The following INSYN2A variants were observed in gnomAD, a reference collection of about 807,000 sequenced individuals.
INSYN2A encodes the protein inhibitory synaptic factor 2A, also known as family with sequence similarity 196 member A.
INSYN2A carries 17 observed loss-of-function variants against 39.4 expected under a neutral mutation model. The ratio of observed to expected loss-of-function variants is 0.43; its 90% CI spans 0.30 to 0.65. The LOEUF is 0.65. INSYN2A is among the 30% of genes least tolerant of loss of function. The probability of loss-of-function intolerance (pLI) is 0.14; values close to 1 mark genes in which losing one functional copy is unlikely to be tolerated. For missense variants in INSYN2A, 595 were observed against 631.2 expected, an observed-to-expected ratio of 0.94 and a Z score of 0.61; for synonymous variants, 255 against 265.7, an observed-to-expected ratio of 0.96 and a Z score of 0.39.
chr10:127,175,785 T>C lies in INSYN2A; in HGVS notation c.611A>G (p.Tyr204Cys), dbSNP rs901091271. The change falls in exon 4 of 6, where the codon TAT becomes TGT. Residue 204 changes from tyrosine (Y) to cysteine (C), a missense_variant. Coordinates refer to ENST00000522781, the MANE Select transcript of INSYN2A (RefSeq NM_001039762.3). The surrounding 1 kb of genome is among the most constrained non-coding windows in gnomAD (Gnocchi z 6.3). ...GGAGTTTTGGAGCGCAGCTTCTCCA[T>C]AGCTGAGCGGCTCCGGGCTTTTACA... is the stretch of plus-strand genomic sequence containing the variant. ...EPCKSPEPLS[Y>C]GEAALQNSTR... is the part of the protein sequence containing the mutation. 6.2e-6 allele frequency: 10 copies of C among 1,614,024 alleles called. No individual in the cohort carries two copies. The highest frequency in any genetic ancestry group is 1.3e-5 in the African/African-American group (1 of 74,930).
chr10:127,138,172 C>G (rs2050868326), intron 5 of INSYN2A, 152 bp from the exon 6 acceptor site: 1 of 676,266 alleles, frequency 1.5e-6, no homozygotes, highest in Admixed American at 3.3e-5. Flanking sequence ...TGTTTTAGCT[C>G]TGTGCTCCCG....
chr10:127,177,063 C>T lies in INSYN2A; in HGVS notation c.-192G>A, dbSNP rs557231670. 6.6e-6 allele frequency: 1 copy of T among 151,956 alleles called. No individual in the cohort carries two copies. Among genetic ancestry groups the T allele is most frequent in the Non-Finnish European group, 1.5e-5 (1 of 67,988 alleles). The allele number at this position is 151,956 out of a possible 1,614,324, so 9.4% of individuals were successfully genotyped here. On this transcript the variant is annotated 5_prime_UTR_variant, in exon 3 of 6. Coordinates refer to ENST00000522781, the MANE Select transcript of INSYN2A (RefSeq NM_001039762.3). ...GGGTTAACATCAGCTCTAAAAGGAA[C>T]GTGGGTTTCCCTGCATCTACAAAGG...
intron 2 of INSYN2A, among the ~76,000 whole-genome samples, chr10:127,187,402 AGAT>A (rs2056371689): frequency 6.6e-6 from 1 of 152,248 alleles, no homozygotes; most frequent in African/African-American, 2.4e-5. Flanking sequence ...CATGCTAAAA[AGAT>A]CTTGAAAAAG....
chr10:127,158,315 C>T (rs1032172063), intron 4 of INSYN2A, among the ~76,000 whole-genome samples: 6 of 152,184 alleles, frequency 3.9e-5, no homozygotes, highest in Middle Eastern at 3.2e-3. Flanking sequence ...GCAGATTCTT[C>T]TCCAGTGACA....
chr10:127,168,373 C>T (rs1316395108), intron 4 of INSYN2A, among the ~76,000 whole-genome samples: 1 of 152,206 alleles, frequency 6.6e-6, no homozygotes, highest in East Asian at 1.9e-4. Context: ...AGTGCTAAGG[C>T]ACAGGAGAGC....
chr10:127,145,480 T>G (rs1678105810), intron 5 of INSYN2A, among the ~76,000 whole-genome samples: 1 of 152,150 alleles, frequency 6.6e-6, no homozygotes, highest in South Asian at 2.1e-4. Flanking sequence ...TTTTCCAACT[T>G]TTGACAGAAA....
chr10:127,146,728 C>T (rs892834693), intron 5 of INSYN2A, among the ~76,000 whole-genome samples: 5 of 152,114 alleles, frequency 3.3e-5, no homozygotes, highest in African/African-American at 4.8e-5. Context: ...AAGTGGTGGT[C>T]ATTGAAGCAG....
intron 2 of INSYN2A, among the ~76,000 whole-genome samples, chr10:127,192,037 T>G (rs756261019): frequency 7.9e-5 from 12 of 152,240 alleles, no homozygotes; most frequent in Non-Finnish European, 1.6e-4. Context: ...AATATAAACT[T>G]CAACAAGCAT....
chr10:127,151,553 A>T (rs2052483146), intron 5 of INSYN2A, among the ~76,000 whole-genome samples: 1 of 152,154 alleles, frequency 6.6e-6, no homozygotes, highest in Non-Finnish European at 1.5e-5. Flanking sequence ...TCTCCCATTT[A>T]TAAGGGGGTG....
chr10:127,185,135 C>T (rs528134027), intron 2 of INSYN2A, among the ~76,000 whole-genome samples: 3 of 152,262 alleles, frequency 2.0e-5, no homozygotes, highest in South Asian at 4.1e-4. Flanking sequence ...TGCTTTGTGT[C>T]GGTTTTCTCT....
intron 4 of INSYN2A, among the ~76,000 whole-genome samples, chr10:127,169,121 G>A (rs1254403544): frequency 6.6e-6 from 1 of 152,158 alleles, no homozygotes; most frequent in Non-Finnish European, 1.5e-5. Context: ...GCTGCTGGGA[G>A]AATGAGACCT....
At chr10:127,147,712 T>TG (rs2052026712) in intron 5 of INSYN2A, among the ~76,000 whole-genome samples, 1 of 152,080 alleles carries the variant, frequency 6.6e-6, no homozygotes, top group Non-Finnish European at 1.5e-5. Flanking sequence ...GGCTAAGGCA[T>TG]TTTTATCAAA....
At chr10:127,141,337 A>G (rs1249258205) in intron 5 of INSYN2A, among the ~76,000 whole-genome samples, 1 of 152,206 alleles carries the variant, frequency 6.6e-6, no homozygotes, top group Non-Finnish European at 1.5e-5. Context: ...TCCAGCAACT[A>G]TAGCAGGGGC....
At chr10:127,151,410 GT>G (rs2052474278) in intron 5 of INSYN2A, among the ~76,000 whole-genome samples, 1 of 152,142 alleles carries the variant, frequency 6.6e-6, no homozygotes. Flanking sequence ...TGTAACTTCT[GT>G]TTGTAGCAGA....
At chr10:127,164,033 G>A (rs1027382885) in intron 4 of INSYN2A, among the ~76,000 whole-genome samples, 4 of 151,870 alleles carry the variant, frequency 2.6e-5, no homozygotes, top group East Asian at 1.9e-4. Flanking sequence ...CTGGTGGATC[G>A]TGGCAAAGCA....
At position 127,196,186 on chromosome 10, in the gene INSYN2A, C is replaced by G. The variant is rs928789333; in HGVS notation, c.-584G>C. The stretch of plus-strand genomic sequence containing the variant: ...CCCGCTGCGCGCCTGCTGCCCGCCC[C>G]CTCCACCGCTGCCGGCCCGGCCCTG... On this transcript the variant is annotated 5_prime_UTR_variant, in exon 1 of 6. Coordinates refer to ENST00000522781, the MANE Select transcript of INSYN2A (RefSeq NM_001039762.3). 6.6e-6 allele frequency: 1 copy of G among 150,494 alleles called. No homozygotes were observed. The highest frequency in any genetic ancestry group is 1.5e-5 in the Non-Finnish European group (1 of 67,520). The allele number at this position is 150,494 out of a possible 1,614,324, so 9.3% of individuals were successfully genotyped here.
chr10:127,143,345 G>A (rs955024986), intron 5 of INSYN2A, among the ~76,000 whole-genome samples: 4 of 152,186 alleles, frequency 2.6e-5, no homozygotes, highest in Admixed American at 2.6e-4. Flanking sequence ...AGAGGCCTCT[G>A]CCTTTAATTC....
chr10:127,169,648 T>C (rs1158857431), intron 4 of INSYN2A, among the ~76,000 whole-genome samples: 1 of 151,972 alleles, frequency 6.6e-6, no homozygotes, highest in African/African-American at 2.4e-5. Context: ...AATGGCAGAG[T>C]TGAATCATTG....
chr10:127,192,888 G>A (rs1015646086), intron 1 of INSYN2A, among the ~76,000 whole-genome samples, 158 bp from the exon 2 acceptor site: 4 of 152,136 alleles, frequency 2.6e-5, no homozygotes, highest in Admixed American at 6.6e-5. Context: ...TGTCCTTAAT[G>A]TATAAGAACA....
Sources: allele counts gnomAD v4.1 joint callset (sites outside exome capture counted in the v4.1 genomes callset), GRCh38; gene constraint gnomAD v4.1.1; non-coding constraint Gnocchi (gnomAD v3.1); transcripts MANE v1.5; gene names NCBI Gene and HGNC (gene_info 2026-07-23, HGNC 2026-07-21).